Variants in CEP170B observed in about 807,000 individuals in gnomAD.
The protein encoded by CEP170B is centrosomal protein 170B, also known as centrosomal protein of 170 kDa protein B.
Under a neutral mutation model 120.6 loss-of-function variants are expected in CEP170B, and 55 were observed. The observed-to-expected ratio is 0.46, with a 90% CI of 0.37 to 0.57. CEP170B has a LOEUF of 0.57. Among genes scored for constraint, CEP170B ranks in the 20% least tolerant of loss-of-function variants. CEP170B has a pLI of 0.00. For missense variants in CEP170B, 2,212 were observed against 2,253.3 expected (o/e 0.98, Z 0.37); for synonymous variants, 1,033 against 954.5 (o/e 1.08, Z -1.52).
At chr14:104,878,964 C>T (rs952263447) in intron 5 of CEP170B, among the ~76,000 whole-genome samples, 4 of 152,102 alleles carry the variant, frequency 2.6e-5, no homozygotes, top group African/African-American at 9.7e-5. Flanking sequence ...GAGAGTGCAG[C>T]GGGGCTGAGG....
At chr14:104,888,114 G>A (rs1016476525) in intron 12 of CEP170B, 136 bp downstream of exon 12, 1 of 1,018,272 alleles carries the variant, frequency 9.8e-7, no homozygotes, top group Non-Finnish European at 1.4e-6. Context: ...CCAAAGCTGG[G>A]GTAGATGTGT....
At position 104,876,354 on chromosome 14, in the gene CEP170B, G is replaced by T; in HGVS notation, c.195+9G>T. The stretch of plus-strand genomic sequence containing the variant: ...TGGGCAGCCTCAATGGGGTAAGTGT[G>T]AGAGGCCCTGGCCTGGCCTTTTAAC... On this transcript the variant is annotated intron_variant, in intron 3 of 18. Transcript: ENST00000414716. The T allele has an allele frequency of 6.4e-7, 1 of 1,550,570 alleles. No individual in the cohort carries two copies. The highest frequency in any genetic ancestry group is 1.2e-5 in the South Asian group (1 of 84,036).
chr14:104,877,833 G>GCCCCCCC, intron 3 of CEP170B, 52 bp from the exon 4 acceptor site: 36 of 359,682 alleles, frequency 1.0e-4, no homozygotes, highest in Admixed American at 1.7e-4. Flanking sequence ...CCTGCCCACA[G>GCCCCCCC]CCACCCACCC....
At chr14:104,890,687 T>A (rs1896797155) in intron 13 of CEP170B, among the ~76,000 whole-genome samples, 1 of 79,828 alleles carries the variant, frequency 1.3e-5, no homozygotes, top group Non-Finnish European at 2.8e-5. Flanking sequence ...GATGGATGGG[T>A]GAGTGGGTGG....
At position 104,887,659 on chromosome 14, in the gene CEP170B, G is replaced by T; in HGVS notation, c.3420G>T (p.Ala1140=). 6.4e-7 allele frequency: 1 copy of T among 1,567,726 alleles called. No individual in the cohort carries two copies. The highest frequency in any genetic ancestry group is 8.6e-7 in the Non-Finnish European group (1 of 1,158,980). Residue 1140 remains alanine, a synonymous_variant, in exon 12 of 19, where the codon GCG becomes GCT. Transcript: ENST00000414716. ...RLGDASDTEA[A]DGERGSLGNP... is the part of the protein sequence containing the mutation. ...GGGACGCTTCAGACACTGAGGCTGC[G>T]GATGGTGAGCGGGGGTCCCTGGGCA...
In CEP170B at chr14:104,884,016, A is replaced by C. The variant is rs779002476; in HGVS notation, c.1237A>C (p.Thr413Pro). The C allele has an allele frequency of 6.2e-7, 1 of 1,611,084 alleles. No individual in the cohort carries two copies. Among genetic ancestry groups the C allele is most frequent in the East Asian group, 2.2e-5 (1 of 44,854 alleles). ...AFVIEFFDEDTPRKKRSQSFT... is the reference protein window; with the variant it reads ...AFVIEFFDEDPPRKKRSQSFT... Reference sequence around the variant, plus strand: ...TGTCATCGAGTTCTTCGACGAGGACACACCCCGAAAGAAGCGCTCCCAGTC... The same window carrying C: ...TGTCATCGAGTTCTTCGACGAGGACCCACCCCGAAAGAAGCGCTCCCAGTC... Residue 413 changes from threonine (T) to proline (P), a missense_variant, in exon 9 of 19, where the codon ACA (threonine) becomes CCA (proline). By Grantham distance (38) the Thr-to-Pro change is conservative. This residue lies in a region of CEP170B where 2,166 missense variants were observed against 2,166.7 expected (regional missense o/e 1.00). Transcript: ENST00000414716.
chr14:104,887,257 G>A lies in CEP170B; in HGVS notation c.3018G>A (p.Gln1006=). ...CCGCCCTGGTCAGTGCCCGTGAGCA[G>A]TCCTCAGAGAGGCAGCATCACCCAC... ...GGTALVSARE[Q]SSERQHHPLG... Residue 1006 remains glutamine (Q), a synonymous_variant, in exon 12 of 19, where the codon CAG becomes CAA. Coordinates refer to ENST00000414716, the MANE Select transcript of CEP170B (RefSeq NM_001112726.3). 6.2e-7 allele frequency: 1 copy of A among 1,607,922 alleles called. No homozygotes were observed. Among genetic ancestry groups the A allele is most frequent in the Non-Finnish European group, 8.5e-7 (1 of 1,179,356 alleles).
intron 2 of CEP170B, among the ~76,000 whole-genome samples, chr14:104,869,503 T>C (rs566269377): frequency 6.6e-6 from 1 of 152,206 alleles, no homozygotes; most frequent in East Asian, 1.9e-4. Context: ...GGGCAGACAG[T>C]GTTTGTCTGC....
intron 8 of CEP170B, 64 bp downstream of exon 8, chr14:104,883,572 T>G (rs1409795068): frequency 3.4e-5 from 49 of 1,447,228 alleles, no homozygotes; most frequent in Non-Finnish European, 4.4e-5. Context: ...TTTGGCTGGG[T>G]CTGCACTGTT....
chr14:104,866,252 G>C (rs935927285), intron 1 of CEP170B, among the ~76,000 whole-genome samples: 4 of 152,254 alleles, frequency 2.6e-5, no homozygotes, highest in African/African-American at 9.6e-5. Flanking sequence ...GCACCACCAG[G>C]CTCTGGGGCT....
Position 104,883,874 on chromosome 14 carries a change from C to T in CEP170B, c.1095C>T (p.Pro365=). The part of the protein sequence containing the change: ...EDGTQSDSED[P]LAKAASAAGV... The stretch of plus-strand genomic sequence containing the variant: ...GCACGCAGAGTGACTCAGAGGACCC[C>T]CTGGCCAAGGCGGCCTCGGCCGCTG... Residue 365 remains proline (P), a synonymous_variant, in exon 9 of 19, where the codon CCC becomes CCT. Coordinates refer to ENST00000414716, the MANE Select transcript of CEP170B (RefSeq NM_001112726.3). 2 of 1,576,490 alleles carry T rather than the reference C, an allele frequency of 1.3e-6. No individual in the cohort carries two copies. Among genetic ancestry groups the T allele is most frequent in the Non-Finnish European group, 1.7e-6 (2 of 1,161,914 alleles).
intron 1 of CEP170B, among the ~76,000 whole-genome samples, chr14:104,866,013 C>G (rs1895186019): frequency 6.6e-6 from 1 of 152,242 alleles, no homozygotes; most frequent in African/African-American, 2.4e-5. Flanking sequence ...CGGCTCGCTG[C>G]CCTTCCCTGC....
In CEP170B at chr14:104,883,163, C is replaced by T. The variant is rs2140687307; in HGVS notation, c.706C>T (p.Pro236Ser). 1 of 1,608,722 alleles carries T rather than the reference C, an allele frequency of 6.2e-7. No individual in the cohort carries two copies. The highest frequency in any genetic ancestry group is 1.1e-5 in the South Asian group (1 of 90,694). ...GATCCCCACGAAGGAGACCCCGCAGCCGTCGCAGCCCCCCGAGGTGCCGGC... is the reference window on the plus strand; with the variant it reads ...GATCCCCACGAAGGAGACCCCGCAGTCGTCGCAGCCCCCCGAGGTGCCGGC... Reference protein sequence around the residue: ...FEIPTKETPQPSQPPEVPAHE... With the variant: ...FEIPTKETPQSSQPPEVPAHE... The change falls in exon 8 of 19, where the codon CCG becomes TCG. Residue 236 changes from proline to serine, a missense_variant. Physicochemically the swap from Pro to Ser is moderately conservative, Grantham distance 74. This residue lies in a region of CEP170B where 2,166 missense variants were observed against 2,166.7 expected (regional missense o/e 1.00). Transcript: ENST00000414716.
intron 5 of CEP170B, among the ~76,000 whole-genome samples, chr14:104,879,700 G>T (rs1465921127): frequency 1.3e-5 from 2 of 152,170 alleles, no homozygotes; most frequent in Non-Finnish European, 2.9e-5. Flanking sequence ...GCAGCCTTCA[G>T]GGGTGGGCAT....
chr14:104,872,728 C>T (rs1206940649), intron 2 of CEP170B, among the ~76,000 whole-genome samples: 3 of 152,250 alleles, frequency 2.0e-5, no homozygotes, highest in Non-Finnish European at 2.9e-5. Context: ...CCTGTGGCCG[C>T]CAATGGGGAA....
At position 104,884,215 on chromosome 14, in the gene CEP170B, C is replaced by A; in HGVS notation, c.1436C>A (p.Pro479His). The A allele has an allele frequency of 6.5e-7, 1 of 1,542,776 alleles. No homozygotes were observed. The change falls in exon 9 of 19, where the codon CCC becomes CAC. Residue 479 changes from proline (P) to histidine (H), a missense_variant. This residue lies in a region of CEP170B where 2,166 missense variants were observed against 2,166.7 expected (regional missense o/e 1.00). Coordinates refer to ENST00000414716, the MANE Select transcript of CEP170B (RefSeq NM_001112726.3). The part of the protein sequence containing the change: ...REKTEERLGS[P>H]SPASRTPARP... ...AAGACAGAGGAACGGCTGGGCAGCC[C>A]CTCGCCCGCCTCCCGAACCCCTGCC...
In CEP170B at chr14:104,893,670, C is replaced by T. The variant is rs369991985; in HGVS notation, c.4182+4C>T. The T allele has an allele frequency of 2.8e-5, 45 of 1,583,606 alleles. No homozygotes were observed. Among genetic ancestry groups the T allele is most frequent in the African/African-American group, 8.1e-5 (6 of 74,202 alleles). On this transcript the variant is annotated splice_donor_region_variant and intron_variant, in intron 15 of 18. Coordinates refer to ENST00000414716, the MANE Select transcript of CEP170B (RefSeq NM_001112726.3). ...GCGGCCTCGGAACCGAGAGGAGGCA[C>T]GGTGCCCACTACCGCCACGGAGCTG...
At chr14:104,879,040 C>T in intron 5 of CEP170B, among the ~76,000 whole-genome samples, 1 of 152,196 alleles carries the variant, frequency 6.6e-6, no homozygotes, top group Non-Finnish European at 1.5e-5. Context: ...TATAGAGCCC[C>T]TGAGCCCCCC....
Position 104,887,084 on chromosome 14 carries a change from G to C in CEP170B, c.2845G>C (p.Ala949Pro), listed in dbSNP as rs202076884. The C allele has an allele frequency of 4.3e-6, 7 of 1,611,268 alleles. No individual in the cohort carries two copies. The African/African-American group carries it at 9.3e-5, about 22-fold the overall frequency. ...GGSTPRPPED[A>P]LSGDSDVDTA... ...CAGCACCCCGAGGCCGCCGGAGGAC[G>C]CCCTGTCTGGGGACTCGGACGTGGA... The change falls in exon 12 of 19, where the codon GCC becomes CCC. Residue 949 changes from alanine (A) to proline (P), a missense_variant. By Grantham distance (27) the Ala-to-Pro change is conservative (BLOSUM62 -1). Transcript: ENST00000414716.
Sources: gnomAD v4.1 joint callset for allele counts (sites outside exome capture counted in the v4.1 genomes callset) on GRCh38, gnomAD v4.1.1 for gene constraint, gnomAD v4.1.1 regional missense constraint, MANE v1.5 for transcripts, NCBI Gene and HGNC (gene_info 2026-07-23, HGNC 2026-07-21) for gene names.